Variants in ATAD2 observed in about 807,000 individuals in gnomAD.
ATAD2 encodes ATPase family AAA domain containing 2.
ATAD2 carries 62 observed loss-of-function variants against 168.9 expected under a neutral mutation model. The ratio of observed to expected loss-of-function variants is 0.37; its 90% CI spans 0.30 to 0.45. The LOEUF (loss-of-function observed/expected upper bound fraction) is 0.45. Ranked by LOEUF, ATAD2 falls within the 20% of genes least tolerant of loss-of-function variation. ATAD2 has a pLI of 1.00. For missense variants in ATAD2, 1,419 were observed against 1,667.8 expected (o/e 0.85, Z 2.60); for synonymous variants, 613 against 571.6 (o/e 1.07, Z -1.03).
At chr8:123,353,504 A>G (rs1828540420) in intron 13 of ATAD2, among the ~76,000 whole-genome samples, 1 of 152,166 alleles carries the variant, frequency 6.6e-6, no homozygotes, top group African/African-American at 2.4e-5. Context: ...AAATTGTTTC[A>G]TCTTCAGCCA....
At chr8:123,415,000 C>T (rs1813224666) in intron 1 of ATAD2, among the ~76,000 whole-genome samples, 2 of 151,770 alleles carry the variant, frequency 1.3e-5, no homozygotes, top group South Asian at 4.2e-4. Context: ...TTGTATAGGT[C>T]CTGTGTGATT....
chr8:123,371,592 T>C (rs1829149919), intron 4 of ATAD2, 78 bp downstream of exon 4: 1 of 1,312,818 alleles, frequency 7.6e-7, no homozygotes, highest in Non-Finnish European at 1.0e-6. Context: ...ATGTTTGGGC[T>C]GGTTGAAATC....
intron 1 of ATAD2, among the ~76,000 whole-genome samples, chr8:123,415,358 T>C (rs553536750): frequency 1.5e-4 from 23 of 152,326 alleles, no homozygotes; most frequent in South Asian, 1.2e-3. Flanking sequence ...AATTGGTAAT[T>C]GACACAGGAA....
rs760998919 is a variant in ATAD2 at position 123,396,250 on chromosome 8, C to A, written c.108G>T (p.Arg36=). The change falls in exon 1 of 28, where the codon CGG becomes CGT. Residue 36 remains arginine, a synonymous_variant. Coordinates refer to ENST00000287394, the MANE Select transcript of ATAD2 (RefSeq NM_014109.4). ...CCGCGCCGGCCGAGCGGAGCCGCCT[C>A]CGGCCGATGTGCTCCAGACTGAGGA... ...SDFLSLEHIG[R]RRLRSAGAAQ... 33 of 1,608,836 alleles carry A rather than the reference C, an allele frequency of 2.1e-5. No homozygotes were observed. The East Asian group carries it at 6.7e-4, about 33-fold the overall frequency.
At chr8:123,384,745 T>C (rs1234337147) in intron 1 of ATAD2, among the ~76,000 whole-genome samples, 1 of 152,254 alleles carries the variant, frequency 6.6e-6, no homozygotes, top group African/African-American at 2.4e-5. Flanking sequence ...AAAATCTTAC[T>C]TTTCTTGCTC....
chr8:123,391,619 T>C (rs1046293183), intron 1 of ATAD2, among the ~76,000 whole-genome samples: 19 of 151,308 alleles, frequency 1.3e-4, no homozygotes, highest in African/African-American at 4.6e-4. Context: ...TCAATAAATA[T>C]GTGGCTGAGG....
chr8:123,336,416 G>T lies in ATAD2; in HGVS notation c.3168C>A (p.Ile1056=). The change falls in exon 22 of 28, where the codon ATC becomes ATA. Residue 1056 remains isoleucine, a synonymous_variant. Transcript: ENST00000287394. The part of the protein sequence containing the change: ...VKDYLRDIDL[I]CSNALEYNPD... Reference sequence around the variant, plus strand: ...GATTGTATTCTAAGGCATTACTACAGATTAGATCAATATCTCTCAAATAGT... The same window carrying T: ...GATTGTATTCTAAGGCATTACTACATATTAGATCAATATCTCTCAAATAGT... The T allele has an allele frequency of 6.3e-7, 1 of 1,583,666 alleles. No homozygotes were observed. Among genetic ancestry groups the T allele is most frequent in the South Asian group, 1.2e-5 (1 of 85,134 alleles).
At chr8:123,350,167 C>T (rs372834281) in intron 13 of ATAD2, among the ~76,000 whole-genome samples, 2 of 152,144 alleles carry the variant, frequency 1.3e-5, no homozygotes, top group Admixed American at 1.3e-4. Flanking sequence ...ATTTTCATTA[C>T]ATTTTAAACT....
At chr8:123,368,247 G>A (rs747719263) in intron 8 of ATAD2, among the ~76,000 whole-genome samples, 2 of 152,000 alleles carry the variant, frequency 1.3e-5, no homozygotes, top group African/African-American at 2.4e-5. Flanking sequence ...GTGAAAACCC[G>A]TCTCTACTAA....
intron 13 of ATAD2, among the ~76,000 whole-genome samples, chr8:123,351,433 A>G (rs1414377822): frequency 6.6e-6 from 1 of 152,052 alleles, no homozygotes; most frequent in Non-Finnish European, 1.5e-5. Context: ...CTGTCTCTAG[A>G]TATCTGTCCC....
At position 123,357,690 on chromosome 8, in the gene ATAD2, C is replaced by A. The variant is rs1828692425; in HGVS notation, c.1429G>T (p.Ala477Ser). 4 of 1,612,948 alleles carry A rather than the reference C, an allele frequency of 2.5e-6. 1 individual carries two copies. In the South Asian group the frequency reaches 3.3e-5, roughly 13 times the overall value. The change falls in exon 12 of 28, where the codon GCC becomes TCC. Residue 477 changes from alanine to serine, a missense_variant. Physicochemically the swap from Ala to Ser is moderately conservative, Grantham distance 99. Transcript: ENST00000287394. ...GPPGTGKTLV[A>S]RALANECSQG... The stretch of plus-strand genomic sequence containing the variant: ...CTGCACTCATTGGCAAGTGCTCTGG[C>A]AACCAGAGTCTTTCCAGTTCCAGGT...
At position 123,402,651 on chromosome 8, in the gene ATAD2, G is replaced by A. The variant is rs1270896274; in HGVS notation, c.-2281-1476C>T. Among the ~76,000 whole-genome samples, 1 of 152,068 alleles carries A rather than the reference G, an allele frequency of 6.6e-6. No homozygotes were observed. Among genetic ancestry groups the A allele is most frequent in the African/African-American group, 2.4e-5 (1 of 41,398 alleles). ...TGGCCCTGGGGAGAAGGCTGCTCTG[G>A]TCATGGCTGCCTGCCCCTCATTCCT... On this transcript the variant is annotated intron_variant, in intron 1 of 28. Transcript: ENST00000521903. This position sits in a 1 kb window ranked among gnomAD's most constrained non-coding sequence, Gnocchi z 4.8.
chr8:123,353,894 A>C (rs937152217), intron 13 of ATAD2, among the ~76,000 whole-genome samples: 7 of 152,204 alleles, frequency 4.6e-5, no homozygotes, highest in Non-Finnish European at 7.3e-5. Flanking sequence ...GTACTTTGGA[A>C]GGCTGAGGCA....
intron 1 of ATAD2, among the ~76,000 whole-genome samples, chr8:123,415,875 G>A (rs142466025): frequency 6.6e-6 from 1 of 152,310 alleles, no homozygotes; most frequent in East Asian, 1.9e-4. Context: ...TTACAGGCGT[G>A]AGCCACCGCA....
At chr8:123,414,956 GT>G (rs760406343) in intron 1 of ATAD2, among the ~76,000 whole-genome samples, 1 of 151,140 alleles carries the variant, frequency 6.6e-6, no homozygotes, top group East Asian at 1.9e-4. Context: ...TGTGTACCTT[GT>G]TTTTTTTTGT....
intron 19 of ATAD2, among the ~76,000 whole-genome samples, chr8:123,343,638 C>T (rs1828137068): frequency 6.6e-6 from 1 of 152,162 alleles, no homozygotes; most frequent in Non-Finnish European, 1.5e-5. Flanking sequence ...TTAAAATACA[C>T]AGAAGCCTAC....
intron 11 of ATAD2, among the ~76,000 whole-genome samples, 179 bp from the exon 12 acceptor site, chr8:123,357,915 A>G (rs1175001782): frequency 6.6e-6 from 1 of 152,236 alleles, no homozygotes; most frequent in East Asian, 1.9e-4. Flanking sequence ...TAATACTGAT[A>G]CTGTAAAATT....
chr8:123,395,533 T>TA (rs1338975352), intron 1 of ATAD2, among the ~76,000 whole-genome samples: 1 of 152,204 alleles, frequency 6.6e-6, no homozygotes, highest in Non-Finnish European at 1.5e-5. Context: ...TACCCCTTAC[T>TA]GTTTACCTTT....
intron 2 of ATAD2, among the ~76,000 whole-genome samples, chr8:123,376,911 G>C (rs569418938): frequency 1.2e-4 from 18 of 151,822 alleles, no homozygotes; most frequent in African/African-American, 4.3e-4. Flanking sequence ...TGGCCAACAT[G>C]GTGAAATCCT....
Sources: gnomAD v4.1 joint callset for allele counts (sites outside exome capture counted in the v4.1 genomes callset) on GRCh38, gnomAD v4.1.1 for gene constraint, Gnocchi (gnomAD v3.1) non-coding constraint, MANE v1.5 for transcripts, NCBI Gene and HGNC (gene_info 2026-07-23, HGNC 2026-07-21) for gene names.